The following DMWD variants were observed in gnomAD, a reference collection of about 807,000 sequenced individuals.
The protein encoded by DMWD is DM1 locus, WD repeat containing.
A neutral mutation model predicts 45.8 loss-of-function variants in DMWD; 19 were observed. That is an observed-to-expected ratio of 0.41 (90% CI 0.29 to 0.61). The LOEUF (loss-of-function observed/expected upper bound fraction) is 0.61, where lower values mean the gene tolerates loss of function less well. Among genes scored for constraint, DMWD ranks in the 20% least tolerant of loss-of-function variants. DMWD has a pLI of 0.25. For missense variants in DMWD, 802 were observed against 965.2 expected, an observed-to-expected ratio of 0.83 and a Z score of 2.24; for synonymous variants, 515 against 440.5, an observed-to-expected ratio of 1.17 and a Z score of -2.12.
Position 45,784,732 on chromosome 19 carries a change from G to A in DMWD, c.1903-17C>T. On this transcript the variant is annotated splice_polypyrimidine_tract_variant and intron_variant, in intron 3 of 4. Transcript: ENST00000270223. ...GTCTGTGAACTACGGAGACAGAGGG[G>A]TCTCTTTTAGGACTCAACCAGACTC... 1.9e-6 allele frequency: 3 copies of A among 1,612,312 alleles called. No homozygotes were observed. Among genetic ancestry groups the A allele is most frequent in the African/African-American group, 1.3e-5 (1 of 74,966 alleles).
intron 2 of DMWD, among the ~76,000 whole-genome samples, chr19:45,789,037 A>G (rs58685080): frequency 1.4e-3 from 217 of 151,740 alleles, no homozygotes; most frequent in African/African-American, 5.1e-3. Flanking sequence ...TGACCACCCT[A>G]CTAAACTCTC....
rs1218049505 is a variant in DMWD, at chr19:45,786,760, G to A, written c.736C>T (p.Pro246Ser). The A allele has an allele frequency of 1.2e-6, 2 of 1,614,194 alleles. No homozygotes were observed. The highest frequency in any genetic ancestry group is 1.7e-6 in the Non-Finnish European group (2 of 1,180,046). ...GHLYLYNVSHPCASAPPQYSL... is the reference protein window; with the variant it reads ...GHLYLYNVSHSCASAPPQYSL... The stretch of plus-strand genomic sequence containing the variant: ...TACTGGGGCGGGGCCGAGGCGCAGG[G>A]GTGGCTGACGTTGTACAGGTACAGG... The change falls in exon 3 of 5, where the codon CCC becomes TCC. Residue 246 changes from proline (P) to serine (S), a missense_variant. Physicochemically the swap from Pro to Ser is moderately conservative, Grantham distance 74. Around this residue, in one of 9 missense-constraint regions of DMWD, gnomAD observed 146 missense variants for 212.8 expected, o/e 0.69. Transcript: ENST00000270223.
chr19:45,784,226 GC>G lies in DMWD; in HGVS notation c.*16del. ...AGGCTGGGGGCATGGGGTTGGGGGG[GC>G]CCGATATCCATGGCTTCACACCACT... On this transcript the variant is annotated 3_prime_UTR_variant, in exon 5 of 5. Transcript: ENST00000270223. 6.4e-7 allele frequency: 1 copy of G among 1,555,878 alleles called. No homozygotes were observed. The highest frequency in any genetic ancestry group is 8.7e-7 in the Non-Finnish European group (1 of 1,153,424).
In DMWD at chr19:45,784,304, G is replaced by A. The variant is rs764228174; in HGVS notation, c.1978-14C>T. 1.3e-6 allele frequency: 2 copies of A among 1,508,914 alleles called. No homozygotes were observed. Among genetic ancestry groups the A allele is most frequent in the Admixed American group, 4.5e-5 (2 of 44,108 alleles). 93.5% of individuals were successfully genotyped at this position (1,508,914 alleles called of 1,614,324 possible). On this transcript the variant is annotated splice_polypyrimidine_tract_variant and intron_variant, in intron 4 of 4. Coordinates refer to ENST00000270223, the MANE Select transcript of DMWD (RefSeq NM_004943.2). Reference sequence around the variant, plus strand: ...GGAGGAGATGCCCTGGGGAAGATGAGAGGGAGAGATGGGAGGGGTTAGAGA... The same window carrying A: ...GGAGGAGATGCCCTGGGGAAGATGAAAGGGAGAGATGGGAGGGGTTAGAGA...
At chr19:45,785,382 C>T in intron 3 of DMWD, 1 of 1,251,864 alleles carries the variant, frequency 8.0e-7, no homozygotes, top group Non-Finnish European at 1.0e-6. Flanking sequence ...CTCACACCCA[C>T]CCCTCTTTCT....
Position 45,783,401 on chromosome 19 carries a change from C to T in DMWD, c.*842G>A, listed in dbSNP as rs1970210594. 1 of 395,008 alleles carries T rather than the reference C, an allele frequency of 2.5e-6. No homozygotes were observed. Among genetic ancestry groups the T allele is most frequent in the South Asian group, 1.4e-4 (1 of 6,984 alleles). The allele number at this position is 395,008 out of a possible 1,614,324, so 24.5% of individuals were successfully genotyped here. On this transcript the variant is annotated 3_prime_UTR_variant, in exon 5 of 5. Transcript: ENST00000270223. Reference sequence around the variant, plus strand: ...AACTAGGAGGCAAGGACCGAGGAGTCCCAGCTGGGCAGGGCCTGGGAAACG... The same window carrying T: ...AACTAGGAGGCAAGGACCGAGGAGTTCCAGCTGGGCAGGGCCTGGGAAACG...
intron 2 of DMWD, among the ~76,000 whole-genome samples, chr19:45,787,673 A>T (rs1179864461): frequency 6.6e-6 from 1 of 152,014 alleles, no homozygotes; most frequent in South Asian, 2.1e-4. Context: ...ATGAGTGACA[A>T]CCCCCCATCC....
rs1970255120 is a variant in DMWD at position 45,785,284 on chromosome 19, G to GA, written c.1902+309dup. 7 of 1,155,920 alleles carry GA rather than the reference G, an allele frequency of 6.1e-6. No individual in the cohort carries two copies. The South Asian group carries it at 2.5e-4, about 42-fold the overall frequency. 71.6% of individuals were successfully genotyped at this position (1,155,920 alleles called of 1,614,324 possible). On this transcript the variant is annotated intron_variant, in intron 3 of 4. Transcript: ENST00000270223. ...GTTCAACAGAAATAGATTCTGGTTC[G>GA]AGTGACAGGCAGTAAGACCTGGCCA...
At position 45,786,095 on chromosome 19, in the gene DMWD, G is replaced by A. The variant is rs531240854; in HGVS notation, c.1401C>T (p.Gly467=). 7 of 1,521,788 alleles carry A rather than the reference G, an allele frequency of 4.6e-6. No individual in the cohort carries two copies. The Admixed American group carries it at 8.5e-5, about 18-fold the overall frequency. 94.3% of individuals were successfully genotyped at this position (1,521,788 alleles called of 1,614,324 possible). A position where few individuals can be genotyped will look rare whatever the true frequency, so the allele number is the denominator to read the frequency against. ...ARTRTLPGTP[G]TTPPAASSSR... is the part of the protein sequence containing the mutation. ...AGCTGCTGGCGGCCGGTGGCGTGGT[G>A]CCAGGTGTGCCAGGGAGGGTGCGGG... Residue 467 remains glycine (G), a synonymous_variant, in exon 3 of 5, where the codon GGC becomes GGT. Coordinates refer to ENST00000270223, the MANE Select transcript of DMWD (RefSeq NM_004943.2).
In DMWD at chr19:45,786,293, C is replaced by T; in HGVS notation, c.1203G>A (p.Glu401=). 1.2e-6 allele frequency: 2 copies of T among 1,605,770 alleles called. No homozygotes were observed. Among genetic ancestry groups the T allele is most frequent in the Non-Finnish European group, 1.7e-6 (2 of 1,174,638 alleles). ...GADGERSGEE[E]EEEPEAAGTG... Reference sequence around the variant, plus strand: ...TGCCCGCAGCCTCGGGCTCCTCCTCCTCCTCTTCGCCGCTCCGCTCCCCAT... The same window carrying T: ...TGCCCGCAGCCTCGGGCTCCTCCTCTTCCTCTTCGCCGCTCCGCTCCCCAT... The change falls in exon 3 of 5, where the codon GAG becomes GAA. Residue 401 remains glutamate, a synonymous_variant. Transcript: ENST00000270223.
At chr19:45,785,271 T>C (rs377654826) in intron 3 of DMWD, 55 of 1,125,380 alleles carry the variant, frequency 4.9e-5, no homozygotes, top group South Asian at 3.0e-4. Context: ...TCAACAGAAA[T>C]AGATTCTGGT....
Position 45,786,796 on chromosome 19 carries a change from C to T in DMWD, c.700G>A (p.Ala234Thr), listed in dbSNP as rs538888700. The T allele has an allele frequency of 9.3e-6, 15 of 1,614,100 alleles. No individual in the cohort carries two copies. Among genetic ancestry groups the T allele is most frequent in the Non-Finnish European group, 6.8e-6 (8 of 1,180,040 alleles). Residue 234 changes from alanine (A) to threonine (T), a missense_variant, in exon 3 of 5, where the codon GCC (alanine) becomes ACC (threonine). Transcript: ENST00000270223. Reference sequence around the variant, plus strand: ...TTGTACAGGTACAGGTGGCCACTGGCGTGTGATGCCAGGAACAGGCTCTCC... The same window carrying T: ...TTGTACAGGTACAGGTGGCCACTGGTGTGTGATGCCAGGAACAGGCTCTCC... The part of the protein sequence containing the change: ...ESESLFLASH[A>T]SGHLYLYNVS...
intron 1 of DMWD, 57 bp from the exon 2 acceptor site, chr19:45,791,144 G>A: frequency 2.0e-6 from 3 of 1,525,328 alleles, no homozygotes; most frequent in Non-Finnish European, 1.8e-6. Flanking sequence ...GAAGGAAGAG[G>A]ATGTTGAGGT....
Position 45,784,484 on chromosome 19 carries a change from C to A in DMWD, c.1977+157G>T, listed in dbSNP as rs1970241253. On this transcript the variant is annotated intron_variant, in intron 4 of 4. Coordinates refer to ENST00000270223, the MANE Select transcript of DMWD (RefSeq NM_004943.2). ...CATCTTAGCTAGCTTCCTGTCCTGG[C>A]AGTCAGCACTTTCACGCAATAATCA... The A allele has an allele frequency of 3.7e-6, 5 of 1,347,700 alleles. No homozygotes were observed. The Admixed American group carries it at 1.2e-4, about 31-fold the overall frequency. The allele number at this position is 1,347,700 out of a possible 1,614,324, so 83.5% of individuals were successfully genotyped here.
chr19:45,784,850 G>A (rs1288256405), intron 3 of DMWD, 135 bp from the exon 4 acceptor site: 9 of 1,406,618 alleles, frequency 6.4e-6, no homozygotes, highest in South Asian at 6.1e-5. Context: ...CTGAGGATCT[G>A]AGGAACCAAG....
rs760538520 is a variant in DMWD, at chr19:45,786,845, T to C, written c.651A>G (p.Thr217=). 1.2e-5 allele frequency: 20 copies of C among 1,613,938 alleles called. No individual in the cohort carries two copies. The highest frequency in any genetic ancestry group is 1.1e-4 in the East Asian group (5 of 44,886). Residue 217 remains threonine, a synonymous_variant, in exon 3 of 5, where the codon ACA becomes ACG. Coordinates refer to ENST00000270223, the MANE Select transcript of DMWD (RefSeq NM_004943.2). Reference sequence around the variant, plus strand: ...CCGACTCAGGCAGCCACTTCAGATATGTCACCTTGGTCTTGTCGATCAACC... The same window carrying C: ...CCGACTCAGGCAGCCACTTCAGATACGTCACCTTGGTCTTGTCGATCAACC... ...EERLIDKTKV[T]YLKWLPESES...
chr19:45,789,038 C>T (rs1970320898), intron 2 of DMWD, among the ~76,000 whole-genome samples: 1 of 152,118 alleles, frequency 6.6e-6, no homozygotes, highest in African/African-American at 2.4e-5. Context: ...GACCACCCTA[C>T]TAAACTCTCC....
chr19:45,785,832 C>A lies in DMWD; in HGVS notation c.1664G>T (p.Gly555Val). Reference sequence around the variant, plus strand: ...CTTCTCCCCACCACTGCCACTGCCGCCACTGCCACCCCGGCTGATGTTGCC... The same window carrying A: ...CTTCTCCCCACCACTGCCACTGCCGACACTGCCACCCCGGCTGATGTTGCC... ...SLGNISRGGS[G>V]GSGSGGEKPS... The change falls in exon 3 of 5, where the codon GGC becomes GTC. Residue 555 changes from glycine to valine, a missense_variant. By Grantham distance (109) the Gly-to-Val change is moderately radical. Coordinates refer to ENST00000270223, the MANE Select transcript of DMWD (RefSeq NM_004943.2). The A allele has an allele frequency of 6.2e-7, 1 of 1,611,052 alleles. No individual in the cohort carries two copies. The highest frequency in any genetic ancestry group is 8.5e-7 in the Non-Finnish European group (1 of 1,179,764).
rs531168197 is a variant in DMWD, at chr19:45,784,686, T to C, written c.1932A>G (p.Thr644=). ...AFTDEETEAQ[T]GEGSWPRSPS... ...GTGACCTGGGCCAACTTCCTTCCCC[T>C]GTCTGGGCCTCGGTCTCCTCGTCTG... is the stretch of plus-strand genomic sequence containing the variant. The change falls in exon 4 of 5, where the codon ACA becomes ACG. Residue 644 remains threonine (T), a synonymous_variant. Coordinates refer to ENST00000270223, the MANE Select transcript of DMWD (RefSeq NM_004943.2). The C allele has an allele frequency of 1.6e-5, 26 of 1,613,544 alleles. No individual in the cohort carries two copies. Among genetic ancestry groups the C allele is most frequent in the East Asian group, 2.2e-5 (1 of 44,868 alleles).
Sources: allele counts gnomAD v4.1 joint callset (sites outside exome capture counted in the v4.1 genomes callset), GRCh38; gene constraint gnomAD v4.1.1; regional missense constraint gnomAD v4.1.1; transcripts MANE v1.5; gene names NCBI Gene and HGNC (gene_info 2026-07-23, HGNC 2026-07-21).